Variants in CSNK1G2 observed in about 807,000 individuals in gnomAD.
The protein encoded by CSNK1G2 is casein kinase I isoform gamma-2.
CSNK1G2 carries 11 observed loss-of-function variants against 48.0 expected under a neutral mutation model. The ratio of observed to expected loss-of-function variants is 0.23; its 90% CI spans 0.14 to 0.38. The LOEUF (loss-of-function observed/expected upper bound fraction) is 0.38, where lower values mean the gene tolerates loss of function less well. CSNK1G2 is among the 10% of genes least tolerant of loss of function. CSNK1G2 has a pLI of 1.00. For synonymous variants in CSNK1G2, 337 were observed against 254.1 expected (o/e 1.33, Z -3.10); for missense variants, 446 against 595.5 (o/e 0.75, Z 2.61).
At chr19:1,975,253 C>G in intron 2 of CSNK1G2, 2 of 985,470 alleles carry the variant, frequency 2.0e-6, no homozygotes, top group Non-Finnish European at 2.4e-6. Flanking sequence ...CGTCAGGGAG[C>G]CACAGCTGGA....
intron 1 of CSNK1G2, among the ~76,000 whole-genome samples, chr19:1,964,152 G>A (rs2015289469): frequency 6.6e-6 from 1 of 152,014 alleles, no homozygotes; most frequent in Admixed American, 6.6e-5. Flanking sequence ...AATTAGCTGG[G>A]CATGGTGATG....
intron 2 of CSNK1G2, among the ~76,000 whole-genome samples, chr19:1,970,983 C>T (rs914119415): frequency 6.6e-5 from 10 of 152,222 alleles, no homozygotes; most frequent in African/African-American, 2.4e-4. Flanking sequence ...GCTGCATCTT[C>T]AAGAGCGGCC....
intron 1 of CSNK1G2, among the ~76,000 whole-genome samples, chr19:1,943,456 C>T (rs558349166): frequency 6.6e-6 from 1 of 152,274 alleles, no homozygotes; most frequent in Admixed American, 6.5e-5. Flanking sequence ...TTCTTCTCCT[C>T]CTTTTTAATA....
chr19:1,951,388 G>A (rs2145508297), intron 1 of CSNK1G2, among the ~76,000 whole-genome samples: 1 of 143,522 alleles, frequency 7.0e-6, no homozygotes, highest in South Asian at 2.3e-4. Flanking sequence ...GGGCGACAGA[G>A]TGAGACTCCG....
intron 2 of CSNK1G2, chr19:1,975,500 C>T (rs757041979): frequency 7.1e-6 from 7 of 985,466 alleles, no homozygotes; most frequent in Non-Finnish European, 8.4e-6. Flanking sequence ...CAAACCAAAC[C>T]CCATCCTCCC....
chr19:1,952,791 C>T, intron 1 of CSNK1G2: 5 of 322,002 alleles, frequency 1.6e-5, no homozygotes, highest in South Asian at 1.3e-4. Context: ...GGGCAGCTCC[C>T]CAGGACCAAG....
chr19:1,944,559 G>A (rs973154650), intron 1 of CSNK1G2, among the ~76,000 whole-genome samples: 1 of 152,176 alleles, frequency 6.6e-6, no homozygotes, highest in Non-Finnish European at 1.5e-5. Context: ...GTGGCCCTGC[G>A]GCCAGGGGAC....
chr19:1,967,566 G>A (rs909610625), intron 1 of CSNK1G2, among the ~76,000 whole-genome samples: 8 of 152,128 alleles, frequency 5.3e-5, no homozygotes, highest in Admixed American at 1.3e-4. Context: ...CCTCCTGGGC[G>A]GGTACCTGGC....
chr19:1,969,132 G>A (rs1013466941), intron 1 of CSNK1G2, among the ~76,000 whole-genome samples: 1 of 152,164 alleles, frequency 6.6e-6, no homozygotes, highest in Non-Finnish European at 1.5e-5. Flanking sequence ...TCTGTGTCTG[G>A]GGGTGCGACT....
At chr19:1,948,483 A>G (rs889937585) in intron 1 of CSNK1G2, among the ~76,000 whole-genome samples, 1 of 127,946 alleles carries the variant, frequency 7.8e-6, no homozygotes. Flanking sequence ...AGACCGCGCC[A>G]TTGCACTCCA....
At chr19:1,976,605 C>A (rs758689679) in intron 2 of CSNK1G2, among the ~76,000 whole-genome samples, 7 of 152,346 alleles carry the variant, frequency 4.6e-5, no homozygotes, top group African/African-American at 1.7e-4. Context: ...GAGGTCATGA[C>A]TGTGTACAGC....
chr19:1,948,042 C>A (rs374035120), intron 1 of CSNK1G2, among the ~76,000 whole-genome samples: 8 of 152,166 alleles, frequency 5.3e-5, no homozygotes, highest in African/African-American at 1.9e-4. Context: ...GGCCGGGACC[C>A]GGGATGAGCT....
intron 1 of CSNK1G2, among the ~76,000 whole-genome samples, chr19:1,964,351 C>T (rs2015297415): frequency 6.6e-6 from 1 of 151,506 alleles, no homozygotes; most frequent in South Asian, 2.1e-4. Context: ...TTCCTTGAGA[C>T]GTGTCAGCCA....
At chr19:1,975,228 G>C in intron 2 of CSNK1G2, 8 of 985,494 alleles carry the variant, frequency 8.1e-6, no homozygotes, top group Non-Finnish European at 9.6e-6. Context: ...GGACGTTGGC[G>C]AGCATCCGCC....
chr19:1,964,968 C>T (rs949268162), intron 1 of CSNK1G2, among the ~76,000 whole-genome samples: 38 of 151,010 alleles, frequency 2.5e-4, no homozygotes, highest in African/African-American at 9.0e-4. Flanking sequence ...CTTCATGATC[C>T]GCCTGCCTCG....
intron 1 of CSNK1G2, among the ~76,000 whole-genome samples, chr19:1,945,913 G>T (rs1399519936): frequency 6.6e-6 from 1 of 152,202 alleles, no homozygotes; most frequent in Non-Finnish European, 1.5e-5. Flanking sequence ...TCCCTCCCTG[G>T]AGAGGCCATG....
chr19:1,942,250 C>T (rs1385434393), intron 1 of CSNK1G2, among the ~76,000 whole-genome samples: 2 of 152,218 alleles, frequency 1.3e-5, no homozygotes, highest in Non-Finnish European at 2.9e-5. Flanking sequence ...GATCCCCGAT[C>T]CCCGCCTGGC....
At chr19:1,948,151 G>A (rs1319980140) in intron 1 of CSNK1G2, among the ~76,000 whole-genome samples, 2 of 152,164 alleles carry the variant, frequency 1.3e-5, no homozygotes, top group Non-Finnish European at 2.9e-5. Flanking sequence ...CATTCTGGAA[G>A]GCCGCTGCCC....
intron 1 of CSNK1G2, chr19:1,953,813 G>T (rs775928442): frequency 1.9e-6 from 1 of 518,840 alleles, no homozygotes; most frequent in South Asian, 1.4e-5. Flanking sequence ...GCTGTACCGC[G>T]ATCACCTGTG....
Sources: allele counts gnomAD v4.1 joint callset (sites outside exome capture counted in the v4.1 genomes callset), GRCh38; gene constraint gnomAD v4.1.1; transcripts MANE v1.5; gene names NCBI Gene and HGNC (gene_info 2026-07-23, HGNC 2026-07-21).